The following TEAD1 variants were observed in gnomAD, a reference collection of about 807,000 sequenced individuals.
TEAD1 encodes transcriptional enhancer factor TEF-1.
TEAD1 carries 9 observed loss-of-function variants against 54.9 expected under a neutral mutation model. The observed-to-expected ratio is 0.16, with a 90% confidence interval of 0.10 to 0.29. The LOEUF is 0.29. Among genes scored for constraint, TEAD1 ranks in the 10% least tolerant of loss-of-function variants. The pLI is 1.00. For missense variants in TEAD1, 387 were observed against 535.9 expected (o/e 0.72, Z 2.74); for synonymous variants, 200 against 187.8 (o/e 1.07, Z -0.53).
At chr11:12,683,907 A>G (rs1426672713) in intron 2 of TEAD1, among the ~76,000 whole-genome samples, 1 of 152,188 alleles carries the variant, frequency 6.6e-6, no homozygotes, top group Non-Finnish European at 1.5e-5. Flanking sequence ...GCCTTGCACA[A>G]ATTACTTGTT....
chr11:12,884,955 G>A lies in TEAD1; in HGVS notation c.699+1830G>A, dbSNP rs527528406. On this transcript the variant is annotated intron_variant, in intron 9 of 12. Coordinates refer to ENST00000527636, the MANE Select transcript of TEAD1 (RefSeq NM_021961.6). ...GGGCTTTGGCCCAGATGCTGCTTCT[G>A]CCTCTTGTAACTGGTGTTTCCATGA... Among the ~76,000 whole-genome samples the A allele has an allele frequency of 1.9e-4, 29 of 152,308 alleles. No homozygotes were observed. The South Asian group carries it at 5.0e-3, about 26-fold the overall frequency.
intron 3 of TEAD1, among the ~76,000 whole-genome samples, chr11:12,795,712 A>G (rs1055659300): frequency 1.3e-5 from 2 of 152,196 alleles, no homozygotes; most frequent in African/African-American, 4.8e-5. Context: ...GCAGAGTCTC[A>G]GGTCCCACCA....
Position 12,937,997 on chromosome 11 carries a change from AATTGT to A in TEAD1, c.*782_*786del, listed in dbSNP as rs1949125747. On this transcript the variant is annotated 3_prime_UTR_variant, in exon 13 of 13. Transcript: ENST00000527636. Reference sequence around the variant, plus strand: ...TATATAGTATATTTAAAAAATATAAAATTGTATTGTACTAATGTGATGATGGATTA... The same window carrying A: ...TATATAGTATATTTAAAAAATATAAAATTGTACTAATGTGATGATGGATTA... 1 of 152,600 alleles carries A rather than the reference AATTGT, an allele frequency of 6.6e-6. No individual in the cohort carries two copies. Among genetic ancestry groups the A allele is most frequent in the South Asian group, 2.1e-4 (1 of 4,828 alleles). The allele number at this position is 152,600 out of a possible 1,614,324, so 9.5% of individuals were successfully genotyped here.
At chr11:12,894,852 A>G (rs747263828) in intron 9 of TEAD1, among the ~76,000 whole-genome samples, 3 of 152,242 alleles carry the variant, frequency 2.0e-5, no homozygotes, top group African/African-American at 4.8e-5. Context: ...ATTACGTGCT[A>G]TGTACAGTGT....
chr11:12,806,245 A>C (rs1946169285), intron 3 of TEAD1, among the ~76,000 whole-genome samples: 1 of 152,142 alleles, frequency 6.6e-6, no homozygotes, highest in African/African-American at 2.4e-5. Context: ...GTATGTTGTA[A>C]CATGTTCATA....
chr11:12,745,554 G>A (rs893852296), intron 2 of TEAD1, among the ~76,000 whole-genome samples: 20 of 149,162 alleles, frequency 1.3e-4, no homozygotes, highest in African/African-American at 4.9e-4. Flanking sequence ...TCAACTGCTG[G>A]TCTGGCTGCC....
At chr11:12,839,713 A>G (rs370927503) in intron 3 of TEAD1, among the ~76,000 whole-genome samples, 31 of 152,296 alleles carry the variant, frequency 2.0e-4, no homozygotes, top group African/African-American at 7.5e-4. Flanking sequence ...GGGAATCACT[A>G]ACTTCGCGTA....
intron 2 of TEAD1, among the ~76,000 whole-genome samples, chr11:12,692,889 C>A (rs1048362674): frequency 3.3e-5 from 5 of 152,212 alleles, no homozygotes; most frequent in African/African-American, 1.2e-4. Context: ...ACTGTTCTTA[C>A]TGCTTCCTCC....
At chr11:12,934,063 T>G (rs550332240) in intron 12 of TEAD1, among the ~76,000 whole-genome samples, 39 of 152,362 alleles carry the variant, frequency 2.6e-4, no homozygotes, top group Non-Finnish European at 3.5e-4. Flanking sequence ...TTATAAATCA[T>G]GCTGCTATAA....
chr11:12,796,753 G>A (rs1306418719), intron 3 of TEAD1, among the ~76,000 whole-genome samples: 1 of 151,638 alleles, frequency 6.6e-6, no homozygotes, highest in African/African-American at 2.4e-5. Context: ...AGCAATTCTT[G>A]TTATATCAAT....
chr11:12,859,716 C>T (rs1379240864), intron 3 of TEAD1, among the ~76,000 whole-genome samples: 1 of 151,946 alleles, frequency 6.6e-6, no homozygotes, highest in Non-Finnish European at 1.5e-5. Flanking sequence ...ATCTTGCAGG[C>T]AGGAATGATA....
intron 10 of TEAD1, among the ~76,000 whole-genome samples, chr11:12,923,760 C>G (rs1381237634): frequency 6.6e-6 from 1 of 152,206 alleles, no homozygotes; most frequent in Non-Finnish European, 1.5e-5. Context: ...CCAGCTTACT[C>G]CTGAAAGCCC....
chr11:12,743,155 A>G (rs1944679618), intron 2 of TEAD1, among the ~76,000 whole-genome samples: 1 of 152,238 alleles, frequency 6.6e-6, no homozygotes, highest in Admixed American at 6.5e-5. Flanking sequence ...TGAAACTCTG[A>G]TCCACATACT....
chr11:12,772,811 T>G (rs996559245), intron 3 of TEAD1, among the ~76,000 whole-genome samples: 8 of 152,162 alleles, frequency 5.3e-5, no homozygotes, highest in African/African-American at 1.7e-4. Context: ...CCAGTTTTAC[T>G]TGAACTCGTT....
intron 3 of TEAD1, among the ~76,000 whole-genome samples, chr11:12,807,665 A>G (rs560046203): frequency 6.6e-6 from 1 of 152,378 alleles, no homozygotes; most frequent in East Asian, 1.9e-4. Context: ...CTATGGGTTT[A>G]TAGAAAGGTA....
intron 3 of TEAD1, among the ~76,000 whole-genome samples, chr11:12,856,130 CTT>C (rs60226571): frequency 2.6e-4 from 36 of 140,854 alleles, no homozygotes; most frequent in Admixed American, 5.0e-4. Flanking sequence ...TATCTTCTTC[CTT>C]TTTTTTTTTT....
intron 2 of TEAD1, among the ~76,000 whole-genome samples, chr11:12,739,238 A>ATCTG (rs111809109): frequency 1.2e-3 from 181 of 151,672 alleles, no homozygotes; most frequent in African/African-American, 4.0e-3. Context: ...CTATCTATCT[A>ATCTG]TCTATCAGTC....
At chr11:12,836,375 G>A (rs1946892434) in intron 3 of TEAD1, among the ~76,000 whole-genome samples, 1 of 149,582 alleles carries the variant, frequency 6.7e-6, no homozygotes, top group Admixed American at 6.7e-5. Flanking sequence ...AGTCAAGATT[G>A]CACCACTGCC....
At chr11:12,724,437 G>A (rs980399633) in intron 2 of TEAD1, among the ~76,000 whole-genome samples, 1 of 152,224 alleles carries the variant, frequency 6.6e-6, no homozygotes, top group African/African-American at 2.4e-5. Context: ...TGTCTGTGGA[G>A]GCGTATGCCA....
Sources: allele counts gnomAD v4.1 joint callset (sites outside exome capture counted in the v4.1 genomes callset), GRCh38; gene constraint gnomAD v4.1.1; transcripts MANE v1.5; gene names NCBI Gene and HGNC (gene_info 2026-07-23, HGNC 2026-07-21).